The following DPYD variants were observed in gnomAD, a reference collection of about 807,000 sequenced individuals.
DPYD encodes dihydropyrimidine dehydrogenase [NADP(+)].
A neutral mutation model predicts 116.2 loss-of-function variants in DPYD; 109 were observed. That is an observed-to-expected ratio of 0.94 (90% CI 0.80 to 1.10). DPYD has a LOEUF of 1.10. DPYD is among the 50% of genes least tolerant of loss of function. The pLI is 0.00. For synonymous variants in DPYD, 440 were observed against 432.0 expected (o/e 1.02, Z -0.23); for missense variants, 1,302 against 1,254.5 (o/e 1.04, Z -0.57).
chr1:97,608,929 A>G (rs1027561201), intron 8 of DPYD, among the ~76,000 whole-genome samples: 1 of 151,890 alleles, frequency 6.6e-6, no homozygotes, highest in Non-Finnish European at 1.5e-5. Context: ...AGTTCACTGT[A>G]AACTATATAA....
At chr1:97,377,899 G>A (rs913121700) in intron 15 of DPYD, among the ~76,000 whole-genome samples, 3 of 152,216 alleles carry the variant, frequency 2.0e-5, no homozygotes, top group Non-Finnish European at 4.4e-5. Flanking sequence ...GTCCAAGTGG[G>A]AAGGGAAGAC....
chr1:97,858,256 T>C (rs1213642554), intron 2 of DPYD, among the ~76,000 whole-genome samples: 1 of 152,160 alleles, frequency 6.6e-6, no homozygotes, highest in Non-Finnish European at 1.5e-5. Context: ...ATATATGAAG[T>C]GCATAACTAA....
intron 13 of DPYD, among the ~76,000 whole-genome samples, chr1:97,464,696 G>C (rs1188998797): frequency 2.0e-5 from 3 of 152,196 alleles, no homozygotes; most frequent in African/African-American, 7.2e-5. Flanking sequence ...AAAAATCGAG[G>C]TTTGGGAAAC....
intron 4 of DPYD, among the ~76,000 whole-genome samples, chr1:97,731,705 G>T (rs993779940): frequency 3.3e-5 from 5 of 151,860 alleles, no homozygotes; most frequent in Admixed American, 1.3e-4. Flanking sequence ...GAGATGCCTA[G>T]TTCAATTACA....
At chr1:97,482,771 CA>C (rs571944764) in intron 13 of DPYD, among the ~76,000 whole-genome samples, 163 of 152,270 alleles carry the variant, frequency 1.1e-3, no homozygotes, top group African/African-American at 3.7e-3. Flanking sequence ...CACCTCACCC[CA>C]CCTCTGCCTT....
intron 8 of DPYD, among the ~76,000 whole-genome samples, chr1:97,655,182 G>C (rs1044066178): frequency 6.6e-6 from 1 of 152,084 alleles, no homozygotes; most frequent in African/African-American, 2.4e-5. Context: ...AAGCATACTT[G>C]ACCCTTGCAT....
At chr1:97,398,927 C>T (rs549552557) in intron 14 of DPYD, among the ~76,000 whole-genome samples, 1 of 152,216 alleles carries the variant, frequency 6.6e-6, no homozygotes, top group African/African-American at 2.4e-5. Context: ...GTTTCTTTTG[C>T]TGTGCAGAAG....
chr1:97,661,625 A>G (rs1032703540), intron 8 of DPYD, among the ~76,000 whole-genome samples: 1 of 152,296 alleles, frequency 6.6e-6, no homozygotes. Flanking sequence ...GAAGAAGCAA[A>G]CTTAAAGTCA....
intron 12 of DPYD, among the ~76,000 whole-genome samples, chr1:97,533,636 A>G (rs1032515908): frequency 2.6e-5 from 4 of 152,200 alleles, no homozygotes; most frequent in Admixed American, 6.5e-5. Flanking sequence ...ATAAGCTGAC[A>G]TTTAAGACAG....
chr1:97,208,957 G>A (rs774408082), intron 19 of DPYD, among the ~76,000 whole-genome samples: 21 of 152,198 alleles, frequency 1.4e-4, no homozygotes, highest in Admixed American at 3.3e-4. Flanking sequence ...GGTGTCTTCT[G>A]AGGTGTGTGT....
At chr1:97,399,856 G>T (rs1479001965) in intron 14 of DPYD, among the ~76,000 whole-genome samples, 8 of 152,120 alleles carry the variant, frequency 5.3e-5, no homozygotes, top group Admixed American at 3.9e-4. Context: ...GGGCTGAGAT[G>T]ATGGCATTTT....
At chr1:97,619,137 T>C (rs984139973) in intron 8 of DPYD, among the ~76,000 whole-genome samples, 1 of 152,226 alleles carries the variant, frequency 6.6e-6, no homozygotes, top group African/African-American at 2.4e-5. Context: ...TTCATACAGA[T>C]TGGTAAAATT....
chr1:97,299,711 C>T (rs1317118563), intron 18 of DPYD, among the ~76,000 whole-genome samples: 1 of 152,060 alleles, frequency 6.6e-6, no homozygotes, highest in East Asian at 1.9e-4. Flanking sequence ...CAAGGCTGTA[C>T]CTCAGACTCA....
In DPYD at chr1:97,909,868, G is replaced by A. The variant is rs189778664; in HGVS notation, c.39+11016C>T. Among the ~76,000 whole-genome samples, 31 of 152,134 alleles carry A rather than the reference G, an allele frequency of 2.0e-4. No homozygotes were observed. In the East Asian group the frequency reaches 3.9e-3, roughly 19 times the overall value. ...CAAAAGTTTACTTTCAGCTGCCTACGTGGTATCTTTACTGTGCTATCTAAT... is the reference window on the plus strand; with the variant it reads ...CAAAAGTTTACTTTCAGCTGCCTACATGGTATCTTTACTGTGCTATCTAAT... On this transcript the variant is annotated intron_variant, in intron 1 of 22. Transcript: ENST00000370192.
chr1:97,264,005 C>CTATT (rs1240186993), intron 18 of DPYD, among the ~76,000 whole-genome samples: 2 of 151,710 alleles, frequency 1.3e-5, no homozygotes, highest in African/African-American at 4.8e-5. Flanking sequence ...TTTCTTTTAT[C>CTATT]TATTTTTTTC....
At chr1:97,416,665 G>T (rs929729706) in intron 14 of DPYD, among the ~76,000 whole-genome samples, 2 of 152,162 alleles carry the variant, frequency 1.3e-5, no homozygotes, top group African/African-American at 4.8e-5. Context: ...AAACAGAAAA[G>T]AATTCTGTCT....
At chr1:97,153,150 A>G (rs1275576143) in intron 20 of DPYD, among the ~76,000 whole-genome samples, 1 of 152,134 alleles carries the variant, frequency 6.6e-6, no homozygotes, top group East Asian at 1.9e-4. Context: ...GCTTAATATG[A>G]GTATAGCTGA....
chr1:97,902,962 G>C (rs907155565), intron 1 of DPYD, among the ~76,000 whole-genome samples: 3 of 151,768 alleles, frequency 2.0e-5, no homozygotes, highest in African/African-American at 7.3e-5. Flanking sequence ...CTAACACTTA[G>C]ACTTACTCAA....
intron 16 of DPYD, among the ~76,000 whole-genome samples, chr1:97,323,499 C>CAT (rs1570523346): frequency 2.2e-5 from 1 of 44,720 alleles, no homozygotes; most frequent in East Asian, 9.8e-4. Context: ...ATATACATAT[C>CAT]ATATGTACAT....
Sources: gnomAD v4.1 joint callset for allele counts (sites outside exome capture counted in the v4.1 genomes callset) on GRCh38, gnomAD v4.1.1 for gene constraint, MANE v1.5 for transcripts, NCBI Gene and HGNC (gene_info 2026-07-23, HGNC 2026-07-21) for gene names.